Variants in WDR19 observed in about 807,000 individuals in gnomAD.
The protein encoded by WDR19 is WD repeat-containing protein 19.
A neutral mutation model predicts 180.0 loss-of-function variants in WDR19; 121 were observed. That is an observed-to-expected ratio of 0.67 (90% CI 0.58 to 0.78). WDR19 has a LOEUF of 0.78. WDR19 is among the 30% of genes least tolerant of loss of function. WDR19 has a pLI of 0.00. For synonymous variants in WDR19, 497 were observed against 540.7 expected, an observed-to-expected ratio of 0.92 and a Z score of 1.12; for missense variants, 1,450 against 1,640.7, an observed-to-expected ratio of 0.88 and a Z score of 2.01.
At chr4:39,187,215 T>G (rs2109745384) in intron 3 of WDR19, among the ~76,000 whole-genome samples, 1 of 152,146 alleles carries the variant, frequency 6.6e-6, no homozygotes, top group African/African-American at 2.4e-5. Flanking sequence ...GGTCAGGAGA[T>G]GGAGACCATC....
At chr4:39,275,522 A>G (rs1350935679) in intron 33 of WDR19, among the ~76,000 whole-genome samples, 1 of 152,134 alleles carries the variant, frequency 6.6e-6, no homozygotes, top group East Asian at 1.9e-4. Flanking sequence ...TCCAGCTTTG[A>G]CATCCATAGC....
chr4:39,226,494 A>C (rs1297926157), intron 15 of WDR19, among the ~76,000 whole-genome samples: 1 of 152,320 alleles, frequency 6.6e-6, no homozygotes, highest in East Asian at 1.9e-4. Flanking sequence ...TTCGGCCACT[A>C]GTCCAGTGGC....
chr4:39,203,731 T>G lies in WDR19; in HGVS notation c.603+9T>G. On this transcript the variant is annotated intron_variant, in intron 7 of 36. Transcript: ENST00000399820. ...CTGCTGCTGAAAGCATGGTAAGAAT[T>G]CTAATCAAATCCACGTGCAAATCAT... 3 of 1,607,024 alleles carry G rather than the reference T, an allele frequency of 1.9e-6. No individual in the cohort carries two copies. The highest frequency in any genetic ancestry group is 2.6e-6 in the Non-Finnish European group (3 of 1,175,998).
At chr4:39,218,251 C>T in intron 14 of WDR19, 146 bp downstream of exon 14, 1 of 1,036,574 alleles carries the variant, frequency 9.6e-7, no homozygotes, top group South Asian at 1.7e-5. Context: ...TATATACATT[C>T]ATGTGTCTCT....
chr4:39,203,674 G>T lies in WDR19; in HGVS notation c.555G>T (p.Gln185His). 6.2e-7 allele frequency: 1 copy of T among 1,613,024 alleles called. No homozygotes were observed. The highest frequency in any genetic ancestry group is 8.5e-7 in the Non-Finnish European group (1 of 1,179,560). Residue 185 changes from glutamine (Q) to histidine (H), a missense_variant, in exon 7 of 37, where the codon CAG becomes CAT. Coordinates refer to ENST00000399820, the MANE Select transcript of WDR19 (RefSeq NM_025132.4). ...TGAGATCAGAGCCTAGCAACATGCA[G>T]TTTTTCTTGATGAAGATGGATGACC... ...TQVRSEPSNM[Q>H]FFLMKMDDRT... is the part of the protein sequence containing the mutation.
At chr4:39,235,463 C>G (rs1731283658) in intron 20 of WDR19, among the ~76,000 whole-genome samples, 1 of 152,146 alleles carries the variant, frequency 6.6e-6, no homozygotes, top group Admixed American at 6.6e-5. Flanking sequence ...TGGCCATCAA[C>G]AACTATGCAT....
At position 39,185,725 on chromosome 4, in the gene WDR19, G is replaced by A; in HGVS notation, c.7-1G>A. 1 of 1,553,000 alleles carries A rather than the reference G, an allele frequency of 6.4e-7. No individual in the cohort carries two copies. Among genetic ancestry groups the A allele is most frequent in the Non-Finnish European group, 8.7e-7 (1 of 1,147,584 alleles). ...TATTAAAAATTGTGTTTATTTTTTA[G>A]CGTATTTTCTCACTGCTAGAAAAGA... is the stretch of plus-strand genomic sequence containing the variant. On this transcript the variant is annotated splice_acceptor_variant, in intron 1 of 36. Transcript: ENST00000399820. LOFTEE classifies it high-confidence loss of function.
chr4:39,192,273 C>G (rs1415638479), intron 4 of WDR19, among the ~76,000 whole-genome samples: 1 of 152,040 alleles, frequency 6.6e-6, no homozygotes, highest in Non-Finnish European at 1.5e-5. Context: ...TTCATATTTT[C>G]TTTGAAGGAG....
chr4:39,213,413 C>T (rs1227946587), intron 9 of WDR19, among the ~76,000 whole-genome samples: 2 of 152,192 alleles, frequency 1.3e-5, no homozygotes, highest in African/African-American at 4.8e-5. Flanking sequence ...CCTATTGATA[C>T]ACCCAACAAC....
chr4:39,199,538 G>T lies in WDR19; in HGVS notation c.467G>T (p.Gly156Val). The change falls in exon 6 of 37, where the codon GGT (glycine) becomes GTT (valine). Residue 156 changes from glycine (G) to valine (V), a missense_variant. Transcript: ENST00000399820. ...CWNAENLLALGGEDKMITVSN... is the reference protein window; with the variant it reads ...CWNAENLLALVGEDKMITVSN... ...AATGCAGAAAATCTGCTTGCTTTAG[G>T]TGGTGAAGATAAAATGATTACAGTT... 5 of 1,613,438 alleles carry T rather than the reference G, an allele frequency of 3.1e-6. No homozygotes were observed. The highest frequency in any genetic ancestry group is 4.2e-6 in the Non-Finnish European group (5 of 1,179,706).
At chr4:39,218,140 A>T in intron 14 of WDR19, 35 bp downstream of exon 14, 5 of 1,570,724 alleles carry the variant, frequency 3.2e-6, no homozygotes, top group Non-Finnish European at 3.5e-6. Context: ...GAACACTGGG[A>T]ATTTTTAATT....
At chr4:39,257,238 A>G (rs1044391285) in intron 27 of WDR19, among the ~76,000 whole-genome samples, 1 of 152,218 alleles carries the variant, frequency 6.6e-6, no homozygotes, top group Admixed American at 6.5e-5. Context: ...CCTACTGAAA[A>G]GGGCACATTT....
Position 39,205,604 on chromosome 4 carries a change from A to T in WDR19, c.758A>T (p.His253Leu). The change falls in exon 9 of 37, where the codon CAT becomes CTT. Residue 253 changes from histidine (H) to leucine (L), a missense_variant. His to Leu is a moderately conservative substitution (Grantham distance 99). Coordinates refer to ENST00000399820, the MANE Select transcript of WDR19 (RefSeq NM_025132.4). ...ATCATGATTGGTTTTTCATGTGGAC[A>T]TTTTGTGGTCATTTCTACTCATACT... is the stretch of plus-strand genomic sequence containing the variant. ...GRIMIGFSCG[H>L]FVVISTHTGE... The T allele has an allele frequency of 6.2e-7, 1 of 1,613,490 alleles. No homozygotes were observed. Among genetic ancestry groups the T allele is most frequent in the Non-Finnish European group, 8.5e-7 (1 of 1,179,702 alleles).
At chr4:39,271,540 G>C (rs558927447) in intron 31 of WDR19, among the ~76,000 whole-genome samples, 35 of 152,078 alleles carry the variant, frequency 2.3e-4, no homozygotes, top group Non-Finnish European at 3.7e-4. Flanking sequence ...TGGCACTCCA[G>C]CCTGGGCAAC....
At chr4:39,248,439 A>G (rs958038438) in intron 24 of WDR19, among the ~76,000 whole-genome samples, 3 of 152,352 alleles carry the variant, frequency 2.0e-5, no homozygotes, top group South Asian at 2.1e-4. Flanking sequence ...AAGAAACTGC[A>G]TCAACTAATG....
intron 36 of WDR19, among the ~76,000 whole-genome samples, chr4:39,282,689 T>C (rs968239781): frequency 1.3e-5 from 2 of 152,230 alleles, no homozygotes; most frequent in Non-Finnish European, 2.9e-5. Context: ...TGAGCCACCG[T>C]GCCCGGCCTA....
chr4:39,245,307 T>C (rs1269951917), intron 23 of WDR19, 62 bp from the exon 24 acceptor site: 1 of 1,343,264 alleles, frequency 7.4e-7, no homozygotes, highest in East Asian at 2.4e-5. Flanking sequence ...CATTTGGTTA[T>C]AGCAGGCTAC....
At chr4:39,243,300 C>T (rs1243576243) in intron 21 of WDR19, among the ~76,000 whole-genome samples, 1 of 152,082 alleles carries the variant, frequency 6.6e-6, no homozygotes, top group South Asian at 2.1e-4. Context: ...GATAGTGTCC[C>T]CTTCATTCTC....
chr4:39,247,699 C>T (rs114084198), intron 24 of WDR19, among the ~76,000 whole-genome samples: 12,259 of 151,874 alleles, frequency 0.081, 648 homozygotes, highest in East Asian at 0.2. Context: ...AAGAATTACG[C>T]GACGAATCCA....
Sources: allele counts gnomAD v4.1 joint callset (sites outside exome capture counted in the v4.1 genomes callset), GRCh38; gene constraint gnomAD v4.1.1; transcripts MANE v1.5; gene names NCBI Gene and HGNC (gene_info 2026-07-23, HGNC 2026-07-21).